The following WWOX variants were observed in gnomAD, a reference collection of about 807,000 sequenced individuals.
WWOX encodes WW domain containing oxidoreductase.
Under a neutral mutation model 46.2 loss-of-function variants are expected in WWOX, and 69 were observed. That is an observed-to-expected ratio of 1.49 (90% CI 1.23 to 1.82). WWOX has a LOEUF of 1.82. Ranked by LOEUF, WWOX falls within the 40% of genes most tolerant of loss-of-function variation. WWOX has a pLI of 0.00. For synonymous variants in WWOX, 359 were observed against 202.6 expected, an observed-to-expected ratio of 1.77 and a Z score of -6.56; for missense variants, 919 against 542.6, an observed-to-expected ratio of 1.69 and a Z score of -6.89.
chr16:78,358,385 C>T (rs114167928), intron 5 of WWOX, among the ~76,000 whole-genome samples: 3,579 of 152,290 alleles, frequency 0.024, 143 homozygotes, highest in African/African-American at 0.082. Context: ...TAGCCAAGTG[C>T]AGTGGCTTAC....
intron 8 of WWOX, among the ~76,000 whole-genome samples, chr16:79,125,147 C>T (rs2049724325): frequency 6.6e-6 from 1 of 151,780 alleles, no homozygotes. Context: ...AAAAGAAATC[C>T]TGGAATTCAG....
At chr16:78,313,667 A>G (rs948148863) in intron 5 of WWOX, among the ~76,000 whole-genome samples, 2 of 152,176 alleles carry the variant, frequency 1.3e-5, no homozygotes, top group East Asian at 1.9e-4. Flanking sequence ...CGTCAGGCCT[A>G]TTGTTTTTCC....
chr16:78,168,624 C>T (rs1179155856), intron 5 of WWOX: 1 of 152,010 alleles, frequency 6.6e-6, no homozygotes, highest in East Asian at 1.9e-4. Flanking sequence ...TATCAATGTT[C>T]ATACTTTGCA....
chr16:79,006,304 C>T (rs924434549), intron 8 of WWOX, among the ~76,000 whole-genome samples: 6 of 152,078 alleles, frequency 3.9e-5, no homozygotes, highest in Non-Finnish European at 8.8e-5. Flanking sequence ...GCGGGAAGTC[C>T]AGGGACACAC....
chr16:78,445,883 G>GGGGGGCAGGGCA (rs2083548344), intron 8 of WWOX, among the ~76,000 whole-genome samples: 1 of 150,244 alleles, frequency 6.7e-6, no homozygotes, highest in Non-Finnish European at 1.5e-5. Context: ...GTCTTGGGGC[G>GGGGGGCAGGGCA]GGGGGCAGGG....
intron 8 of WWOX, among the ~76,000 whole-genome samples, chr16:78,858,000 G>C (rs545352753): frequency 6.6e-6 from 1 of 152,190 alleles, no homozygotes; most frequent in Admixed American, 6.5e-5. Context: ...TATTTATTTA[G>C]TTATTTGACC....
chr16:78,775,334 A>G (rs2050162625), intron 8 of WWOX, among the ~76,000 whole-genome samples: 2 of 152,126 alleles, frequency 1.3e-5, no homozygotes, highest in Non-Finnish European at 1.5e-5. Flanking sequence ...ACAGTGTGTC[A>G]TCCCCTCCCC....
chr16:78,261,788 C>CTAGA (rs1491587303), intron 5 of WWOX, among the ~76,000 whole-genome samples: 1,189 of 73,720 alleles, frequency 0.016, 23 homozygotes, highest in Admixed American at 0.031. Flanking sequence ...ATCTATCTAT[C>CTAGA]TATATATATA....
intron 8 of WWOX, among the ~76,000 whole-genome samples, chr16:78,678,329 G>A (rs1597433808): frequency 6.6e-6 from 1 of 152,200 alleles, no homozygotes; most frequent in Non-Finnish European, 1.5e-5. Context: ...TAGGGTATGA[G>A]CGGGCCACTG....
intron 8 of WWOX, among the ~76,000 whole-genome samples, chr16:78,745,115 G>C (rs16948429): frequency 0.063 from 9,601 of 152,214 alleles, 735 homozygotes; most frequent in African/African-American, 0.19. Flanking sequence ...TAGGAGCCAA[G>C]ACTAGTTTAG....
chr16:78,155,004 C>G (rs932741938), intron 4 of WWOX, among the ~76,000 whole-genome samples: 2 of 152,178 alleles, frequency 1.3e-5, no homozygotes, highest in African/African-American at 4.8e-5. Context: ...AAAGCCCAAA[C>G]CCCACCTCTA....
At chr16:78,718,558 G>T (rs926987961) in intron 8 of WWOX, among the ~76,000 whole-genome samples, 1 of 151,936 alleles carries the variant, frequency 6.6e-6, no homozygotes, top group East Asian at 1.9e-4. Context: ...TTAATACACT[G>T]AGCCAAGCAT....
At chr16:78,726,071 T>TTCCCTCCCTCCCTCTTCC (rs2048824976) in intron 8 of WWOX, among the ~76,000 whole-genome samples, 5 of 96,656 alleles carry the variant, frequency 5.2e-5, no homozygotes, top group South Asian at 4.9e-4. Flanking sequence ...CCTGCTTCCC[T>TTCCCTCCCTCCCTCTTCC]TCCCTCCCTC....
chr16:78,579,056 T>A (rs944432366), intron 8 of WWOX, among the ~76,000 whole-genome samples: 10 of 152,176 alleles, frequency 6.6e-5, no homozygotes, highest in African/African-American at 2.2e-4. Context: ...GGTTTTTGTT[T>A]GTTTGTTTTT....
At chr16:79,024,205 T>C (rs2047591279) in intron 8 of WWOX, among the ~76,000 whole-genome samples, 1 of 152,186 alleles carries the variant, frequency 6.6e-6, no homozygotes, top group Non-Finnish European at 1.5e-5. Context: ...CTTGTAAATA[T>C]ACTAAAAACC....
At chr16:78,805,563 G>A (rs960554693) in intron 8 of WWOX, among the ~76,000 whole-genome samples, 6 of 151,062 alleles carry the variant, frequency 4.0e-5, no homozygotes, top group East Asian at 3.9e-4. Context: ...GATTACAGGC[G>A]TGAGCTGACG....
intron 8 of WWOX, among the ~76,000 whole-genome samples, chr16:79,082,010 T>A (rs528116156): frequency 6.6e-6 from 1 of 152,280 alleles, no homozygotes; most frequent in Admixed American, 6.5e-5. Flanking sequence ...CGTGAGAAAT[T>A]CTGTAAGCAC....
At chr16:78,801,536 G>C (rs143631955) in intron 8 of WWOX, among the ~76,000 whole-genome samples, 1 of 152,132 alleles carries the variant, frequency 6.6e-6, no homozygotes, top group Non-Finnish European at 1.5e-5. Context: ...TGCTATTTTA[G>C]CTTCCGATGA....
At chr16:78,625,339 G>A (rs74029597) in intron 8 of WWOX, among the ~76,000 whole-genome samples, 1,607 of 152,238 alleles carry the variant, frequency 0.011, 26 homozygotes, top group African/African-American at 0.036. Flanking sequence ...TCCAAGGCCA[G>A]CGTGTTCCAT....
Sources: allele counts gnomAD v4.1 joint callset (sites outside exome capture counted in the v4.1 genomes callset), GRCh38; gene constraint gnomAD v4.1.1; transcripts MANE v1.5; gene names NCBI Gene and HGNC (gene_info 2026-07-23, HGNC 2026-07-21).